The following IVD variants were observed in gnomAD, a reference collection of about 807,000 sequenced individuals.
The protein encoded by IVD is isovaleryl-CoA dehydrogenase.
In IVD, 31 loss-of-function variants were observed where a neutral mutation model predicts 51.3. That is an observed-to-expected ratio of 0.60 (90% CI 0.45 to 0.81). The LOEUF (loss-of-function observed/expected upper bound fraction) is 0.81. Ranked by LOEUF, IVD falls within the 40% of genes least tolerant of loss-of-function variation. The pLI is 0.00. For missense variants in IVD, 475 were observed against 552.0 expected, an observed-to-expected ratio of 0.86 and a Z score of 1.40; for synonymous variants, 205 against 219.4, an observed-to-expected ratio of 0.93 and a Z score of 0.58.
chr15:40,409,630 G>T (rs1190043729), intron 3 of IVD, among the ~76,000 whole-genome samples: 1 of 152,086 alleles, frequency 6.6e-6, no homozygotes, highest in Non-Finnish European at 1.5e-5. Context: ...ACCTTGCTAG[G>T]CTTGACCCAA....
chr15:40,429,850 C>T (rs938419610), intron 7 of IVD, among the ~76,000 whole-genome samples: 3 of 152,172 alleles, frequency 2.0e-5, no homozygotes, highest in Non-Finnish European at 4.4e-5. Context: ...TCTGGACTGC[C>T]GAAGCCAGAA....
At chr15:40,413,870 T>C (rs1415324557) in intron 7 of IVD, among the ~76,000 whole-genome samples, 1 of 151,906 alleles carries the variant, frequency 6.6e-6, no homozygotes, top group Non-Finnish European at 1.5e-5. Flanking sequence ...TTTTTGTTTG[T>C]TTTTTTGAGA....
At chr15:40,425,058 G>T (rs903204140), downstream of IVD, among the ~76,000 whole-genome samples, 6 of 152,210 alleles carry the variant, frequency 3.9e-5, no homozygotes, top group Non-Finnish European at 8.8e-5. Context: ...CTCAGAGACA[G>T]AAGGAAGCTG....
intron 7 of IVD, chr15:40,433,820 C>CTGGACCAT (rs1422354099): frequency 1.1e-5 from 5 of 456,534 alleles, no homozygotes; most frequent in African/African-American, 2.0e-5. Flanking sequence ...CCCACAAACT[C>CTGGACCAT]TGGACCATGT....
At chr15:40,411,199 A>G (rs1891037332) in intron 4 of IVD, 61 bp from the exon 5 acceptor site, 1 of 1,472,512 alleles carries the variant, frequency 6.8e-7, no homozygotes, top group East Asian at 2.3e-5. Flanking sequence ...AGGCAGTACC[A>G]GTGAGCTGCT....
intron 6 of IVD, 86 bp from the exon 7 acceptor site, chr15:40,412,905 G>A: frequency 1.0e-6 from 1 of 999,044 alleles, no homozygotes; most frequent in South Asian, 1.3e-5. Flanking sequence ...ATAGGAAGGT[G>A]AGTGCCTTCT....
At chr15:40,414,174 A>G (rs907649735) in intron 7 of IVD, among the ~76,000 whole-genome samples, 2 of 152,150 alleles carry the variant, frequency 1.3e-5, no homozygotes, top group African/African-American at 4.8e-5. Flanking sequence ...CATGGATTTG[A>G]TCAACAGTTA....
rs1362391415 is a variant in IVD at position 40,408,102 on chromosome 15, G to A, written c.286+112G>A. 3.1e-6 allele frequency: 3 copies of A among 967,168 alleles called. No homozygotes were observed. The African/African-American group carries it at 4.8e-5, about 15-fold the overall frequency. The allele number at this position is 967,168 out of a possible 1,614,324, so 59.9% of individuals were successfully genotyped here. A position where few individuals can be genotyped will look rare whatever the true frequency, so the allele number is the denominator to read the frequency against. The stretch of plus-strand genomic sequence containing the variant: ...ATTGTGCTTAAAGAAACCCAGAACT[G>A]CATCTTTTGGACCTGTGAAAGCACC... On this transcript the variant is annotated intron_variant, in intron 3 of 11. Coordinates refer to ENST00000487418, the MANE Select transcript of IVD (RefSeq NM_002225.5).
chr15:40,410,535 C>A, intron 3 of IVD, 93 bp from the exon 4 acceptor site: 1 of 1,435,010 alleles, frequency 7.0e-7, no homozygotes, highest in Non-Finnish European at 9.8e-7. Flanking sequence ...CTACAAGGTG[C>A]TTCCCTTCTG....
chr15:40,424,080 C>A, downstream of IVD: 1 of 1,142,038 alleles, frequency 8.8e-7, no homozygotes, highest in Non-Finnish European at 1.2e-6. Flanking sequence ...AGCCTGGTAT[C>A]TCTTAAATAC....
At chr15:40,422,999 C>G (rs543275560), downstream of IVD, among the ~76,000 whole-genome samples, 4 of 152,040 alleles carry the variant, frequency 2.6e-5, no homozygotes, top group Non-Finnish European at 5.9e-5. Flanking sequence ...ACTGCAGCCT[C>G]GACCTCCCTG....
rs2289331 is a variant in IVD, at chr15:40,407,739, T to C, written c.234+14T>C. 1,066,352 of 1,610,246 alleles carry C rather than the reference T, an allele frequency of 0.66. 356,328 individuals carry two copies. Among genetic ancestry groups the C allele is most frequent in the East Asian group, 0.83 (37,311 of 44,864 alleles). On this transcript the variant is annotated intron_variant, in intron 2 of 11. Transcript: ENST00000487418. ...AAGAACCTGCGAGTGAGTTGGGAGG[T>C]CCGGGCAGTCGGGGGCAGTCAGGGA...
chr15:40,424,025 T>G, downstream of IVD: 1 of 470,122 alleles, frequency 2.1e-6, no homozygotes, highest in Admixed American at 4.1e-5. Flanking sequence ...CGTTCCAGAA[T>G]TTGGCCTCTT....
In IVD at chr15:40,405,820, T is replaced by C. The variant is rs566691073; in HGVS notation, c.-8T>C. On this transcript the variant is annotated 5_prime_UTR_variant, in exon 1 of 12. An upstream start codon of the reference 5' UTR is lost. Coordinates refer to ENST00000487418, the MANE Select transcript of IVD (RefSeq NM_002225.5). ...AGTTTCAGCGCTGGCTCTTCGTGCA[T>C]GGCAGAGATGGCGACTGCGACTCGG... 6.8e-6 allele frequency: 11 copies of C among 1,611,470 alleles called. No individual in the cohort carries two copies. Among genetic ancestry groups the C allele is most frequent in the African/African-American group, 5.3e-5 (4 of 74,994 alleles).
chr15:40,418,635 A>T lies in IVD; in HGVS notation c.*372A>T. On this transcript the variant is annotated 3_prime_UTR_variant, in exon 12 of 12. Transcript: ENST00000487418. ...CCAGGGTAGGCACCTGGGGGCATGC[A>T]GGTACCCACCTCTTTCTCTTGGGTG... The T allele has an allele frequency of 8.8e-7, 1 of 1,137,896 alleles. No homozygotes were observed. Among genetic ancestry groups the T allele is most frequent in the Non-Finnish European group, 1.1e-6 (1 of 917,382 alleles). The allele number at this position is 1,137,896 out of a possible 1,614,324, so 70.5% of individuals were successfully genotyped here. A position where few individuals can be genotyped will look rare whatever the true frequency, so the allele number is the denominator to read the frequency against.
intron 6 of IVD, among the ~76,000 whole-genome samples, 159 bp from the exon 7 acceptor site, chr15:40,412,832 C>T (rs1432191714): frequency 2.6e-5 from 4 of 152,052 alleles, no homozygotes; most frequent in African/African-American, 7.2e-5. Flanking sequence ...GCGTTAGCAC[C>T]GGAAGGTCCC....
At chr15:40,408,297 A>G (rs1301443329) in intron 3 of IVD, among the ~76,000 whole-genome samples, 1 of 152,224 alleles carries the variant, frequency 6.6e-6, no homozygotes, top group Middle Eastern at 3.2e-3. Context: ...GAAGTTTAGA[A>G]AACTCTGGAT....
downstream of IVD, among the ~76,000 whole-genome samples, chr15:40,422,113 GC>G (rs1892343776): frequency 6.6e-6 from 1 of 152,238 alleles, no homozygotes; most frequent in Non-Finnish European, 1.5e-5. Flanking sequence ...CCTGCCGGCT[GC>G]CCGCGGGGTT....
downstream of IVD, among the ~76,000 whole-genome samples, chr15:40,422,195 A>G (rs946116682): frequency 2.2e-4 from 34 of 151,658 alleles, no homozygotes; most frequent in Admixed American, 2.0e-4. Flanking sequence ...TTGGGATTTC[A>G]GGACTCAACG....
Sources: gnomAD v4.1 joint callset for allele counts (sites outside exome capture counted in the v4.1 genomes callset) on GRCh38, gnomAD v4.1.1 for gene constraint, MANE v1.5 for transcripts, NCBI Gene and HGNC (gene_info 2026-07-23, HGNC 2026-07-21) for gene names.